Variants in SEMA5A observed in about 807,000 individuals in gnomAD.
SEMA5A encodes semaphorin 5A.
SEMA5A carries 55 observed loss-of-function variants against 135.5 expected under a neutral mutation model. The ratio of observed to expected loss-of-function variants is 0.41; its 90% CI spans 0.33 to 0.51. The LOEUF (loss-of-function observed/expected upper bound fraction) is 0.51. SEMA5A is among the 20% of genes least tolerant of loss of function. The pLI, the probability that SEMA5A is intolerant of heterozygous loss-of-function variation, is 0.37. For synonymous variants in SEMA5A, 580 were observed against 546.5 expected (o/e 1.06, Z -0.85); for missense variants, 1,290 against 1,419.9 (o/e 0.91, Z 1.47).
chr5:9,449,228 T>C (rs1758545599), intron 1 of SEMA5A, among the ~76,000 whole-genome samples: 1 of 152,316 alleles, frequency 6.6e-6, no homozygotes, highest in Admixed American at 6.5e-5. Flanking sequence ...CATGGAATAC[T>C]ATGCAGCCAT....
At chr5:9,370,148 G>T (rs572383084) in intron 3 of SEMA5A, among the ~76,000 whole-genome samples, 1 of 152,284 alleles carries the variant, frequency 6.6e-6, no homozygotes, top group Admixed American at 6.5e-5. Flanking sequence ...GTAATTCTCT[G>T]TGCTGAAGCC....
intron 5 of SEMA5A, among the ~76,000 whole-genome samples, chr5:9,289,535 C>T (rs1317777372): frequency 2.6e-5 from 4 of 151,384 alleles, no homozygotes; most frequent in Non-Finnish European, 4.4e-5. Flanking sequence ...CGTGGTGGCA[C>T]GTGCCGGTAG....
chr5:9,324,942 T>C (rs1028459247), intron 4 of SEMA5A, among the ~76,000 whole-genome samples: 4 of 152,202 alleles, frequency 2.6e-5, no homozygotes, highest in African/African-American at 9.7e-5. Context: ...GGGCAATGCT[T>C]TGAGCAACCC....
At chr5:9,419,615 G>A (rs1054493764) in intron 2 of SEMA5A, among the ~76,000 whole-genome samples, 3 of 152,188 alleles carry the variant, frequency 2.0e-5, no homozygotes. Flanking sequence ...AACCTAAGGA[G>A]TCACAGGTGG....
intron 3 of SEMA5A, among the ~76,000 whole-genome samples, chr5:9,370,075 A>G (rs371401071): frequency 7.9e-5 from 12 of 152,364 alleles, no homozygotes; most frequent in African/African-American, 2.6e-4. Context: ...GCACATAATA[A>G]GCACTCAATA....
At chr5:9,513,597 C>T (rs73740650) in intron 1 of SEMA5A, among the ~76,000 whole-genome samples, 46 of 152,190 alleles carry the variant, frequency 3.0e-4, no homozygotes, top group African/African-American at 1.1e-3. Context: ...ATTGTGGCGG[C>T]GGCAGCTCCT....
chr5:9,526,842 T>C (rs898737596), intron 1 of SEMA5A, among the ~76,000 whole-genome samples: 2 of 152,194 alleles, frequency 1.3e-5, no homozygotes, highest in African/African-American at 4.8e-5. Flanking sequence ...GTCAGTGACT[T>C]CATAAGACAA....
chr5:9,178,331 C>CTTTTTTTTTTTTTTTTTTT (rs5865809), intron 11 of SEMA5A, among the ~76,000 whole-genome samples: 4 of 123,600 alleles, frequency 3.2e-5, no homozygotes, highest in African/African-American at 3.0e-5. Flanking sequence ...TTTTTCTCTC[C>CTTTTTTTTTTTTTTTTTTT]TTTTTTTTTT....
At position 9,190,547 on chromosome 5, in the gene SEMA5A, G is replaced by C. The variant is rs553738719; in HGVS notation, c.1069-76C>G. ...CAGCTGGCTGTGGCCACCCTAGCTG[G>C]AAAGTAACTTGGAAATCAAGTAAGC... On this transcript the variant is annotated intron_variant, in intron 10 of 22. Transcript: ENST00000382496. 2.2e-5 allele frequency: 31 copies of C among 1,386,894 alleles called. No individual in the cohort carries two copies. In the South Asian group the frequency reaches 3.2e-4, roughly 14 times the overall value. The allele number at this position is 1,386,894 out of a possible 1,614,324, so 85.9% of individuals were successfully genotyped here.
At chr5:9,426,338 T>C (rs1757647783) in intron 2 of SEMA5A, among the ~76,000 whole-genome samples, 1 of 151,414 alleles carries the variant, frequency 6.6e-6, no homozygotes, top group Non-Finnish European at 1.5e-5. Flanking sequence ...GGCAGGAGAA[T>C]GGCGTGATCC....
rs145192113 is a variant in SEMA5A, at chr5:9,311,215, G to A, written c.270+7157C>T. On this transcript the variant is annotated intron_variant, in intron 5 of 22. Coordinates refer to ENST00000382496, the MANE Select transcript of SEMA5A (RefSeq NM_003966.3). ...CCTGGTCTCTACACGCTAGATGCCA[G>A]TCAAAGCTTCCCCCACCAGTTGTGA... Among the ~76,000 whole-genome samples, 387 of 152,058 alleles carry A rather than the reference G, an allele frequency of 2.5e-3. 7 individuals carry two copies. The highest frequency in any genetic ancestry group is 8.7e-3 in the African/African-American group (359 of 41,490).
At chr5:9,277,278 C>T (rs1750311612) in intron 5 of SEMA5A, among the ~76,000 whole-genome samples, 1 of 152,090 alleles carries the variant, frequency 6.6e-6, no homozygotes. Flanking sequence ...ACATGTCATG[C>T]CAGTTAGAAT....
At chr5:9,152,425 G>T (rs1190922094) in intron 12 of SEMA5A, among the ~76,000 whole-genome samples, 2 of 152,160 alleles carry the variant, frequency 1.3e-5, no homozygotes. Flanking sequence ...ATTTCAAGCA[G>T]CCAGTGGTTA....
chr5:9,423,016 C>A (rs1757523671), intron 2 of SEMA5A, among the ~76,000 whole-genome samples: 1 of 152,180 alleles, frequency 6.6e-6, no homozygotes, highest in Admixed American at 6.5e-5. Flanking sequence ...ACAGTTGATG[C>A]AAATTCCACC....
chr5:9,522,651 G>A (rs1049005783), intron 1 of SEMA5A: 5 of 152,016 alleles, frequency 3.3e-5, no homozygotes, highest in Admixed American at 6.6e-5. Context: ...TTAACTCCAC[G>A]CCCTCCAAAA....
chr5:9,307,870 G>A (rs751392370), intron 5 of SEMA5A, among the ~76,000 whole-genome samples: 25 of 152,074 alleles, frequency 1.6e-4, no homozygotes, highest in Non-Finnish European at 2.8e-4. Flanking sequence ...GCCTGACTTC[G>A]TTTCATGAAA....
rs538848579 is a variant in SEMA5A at position 9,266,020 on chromosome 5, C to T, written c.271-28130G>A. Among the ~76,000 whole-genome samples the T allele has an allele frequency of 1.8e-4, 27 of 152,292 alleles. 1 individual carries two copies. Among genetic ancestry groups the T allele is most frequent in the Middle Eastern group, 3.4e-3 (1 of 294 alleles). On this transcript the variant is annotated intron_variant, in intron 5 of 22. Coordinates refer to ENST00000382496, the MANE Select transcript of SEMA5A (RefSeq NM_003966.3). Reference sequence around the variant, plus strand: ...CTCCCACATTTTCTCCCACTTACCGCGAAAAAATCCATTTATCTCACATTT... The same window carrying T: ...CTCCCACATTTTCTCCCACTTACCGTGAAAAAATCCATTTATCTCACATTT...
chr5:9,131,723 T>A (rs2150207512), intron 13 of SEMA5A, among the ~76,000 whole-genome samples: 1 of 144,616 alleles, frequency 6.9e-6, no homozygotes, highest in East Asian at 2.1e-4. Flanking sequence ...CAGCCATTCA[T>A]GAGAGATTCG....
intron 16 of SEMA5A, among the ~76,000 whole-genome samples, chr5:9,093,823 T>G (rs1202260586): frequency 6.6e-6 from 1 of 152,170 alleles, no homozygotes; most frequent in Non-Finnish European, 1.5e-5. Flanking sequence ...CCTGTACACA[T>G]CCTGTAGCCC....
Sources: allele counts gnomAD v4.1 joint callset (sites outside exome capture counted in the v4.1 genomes callset), GRCh38; gene constraint gnomAD v4.1.1; transcripts MANE v1.5; gene names NCBI Gene and HGNC (gene_info 2026-07-23, HGNC 2026-07-21).